Variants in SYT16 observed in about 807,000 individuals in gnomAD.
SYT16 encodes the protein synaptotagmin-16.
SYT16 carries 42 observed loss-of-function variants against 61.4 expected under a neutral mutation model. The ratio of observed to expected loss-of-function variants is 0.68; its 90% confidence interval spans 0.53 to 0.89. The LOEUF (loss-of-function observed/expected upper bound fraction) is 0.89, where lower values mean the gene tolerates loss of function less well. SYT16 is among the 40% of genes least tolerant of loss of function. The pLI is 0.00. For synonymous variants in SYT16, 314 were observed against 302.3 expected (o/e 1.04, Z -0.40); for missense variants, 804 against 807.3 (o/e 1.00, Z 0.05).
intron 3 of SYT16, among the ~76,000 whole-genome samples, chr14:62,055,706 A>T (rs1252900889): frequency 6.6e-6 from 1 of 152,228 alleles, no homozygotes; most frequent in African/African-American, 2.4e-5. Context: ...TGCAAGGACA[A>T]CTTGGGGCTG....
rs138146539 is a variant in SYT16 at position 61,865,888 on chromosome 14, T to G, written c.-325+53078T>G. On this transcript the variant is annotated intron_variant, in intron 1 of 7. Coordinates refer to ENST00000683842, the MANE Select transcript of SYT16 (RefSeq NM_001367656.1). ...TCAAAATGCTTTCTAAATCATTTTA[T>G]ATCTGGAATTAAGGTGCAGTAAACT... Among the ~76,000 whole-genome samples, 259 of 152,310 alleles carry G rather than the reference T, an allele frequency of 1.7e-3. 2 individuals carry two copies. Among genetic ancestry groups the G allele is most frequent in the African/African-American group, 5.9e-3 (246 of 41,576 alleles).
At chr14:61,984,950 G>T (rs1304720197) in intron 2 of SYT16, among the ~76,000 whole-genome samples, 1 of 152,052 alleles carries the variant, frequency 6.6e-6, no homozygotes, top group Non-Finnish European at 1.5e-5. Context: ...GGTCACTTTG[G>T]CTCGGTAGAC....
chr14:62,011,816 C>T (rs1206722806), intron 3 of SYT16, among the ~76,000 whole-genome samples: 2 of 149,686 alleles, frequency 1.3e-5, no homozygotes. Flanking sequence ...GGACCCCAAA[C>T]ACCTATTTCT....
rs1363099530 is a variant in SYT16, at chr14:62,101,045, C to G, written c.*338C>G. On this transcript the variant is annotated 3_prime_UTR_variant, in exon 8 of 8. Coordinates refer to ENST00000683842, the MANE Select transcript of SYT16 (RefSeq NM_001367656.1). ...TGTCTCTGTTTGCTTGAAGAGTAAC[C>G]TGAGATTGCAAGGGAGCTGTTAATT... The G allele has an allele frequency of 3.1e-5, 6 of 194,288 alleles. No homozygotes were observed. The East Asian group carries it at 5.2e-4, about 17-fold the overall frequency. 12.0% of individuals were successfully genotyped at this position (194,288 alleles called of 1,614,324 possible).
At chr14:61,847,392 T>C (rs77501238) in intron 1 of SYT16, among the ~76,000 whole-genome samples, 6,200 of 152,320 alleles carry the variant, frequency 0.041, 173 homozygotes, top group African/African-American at 0.071. Context: ...CTGACCTGTA[T>C]GGTTTTCACT....
At chr14:61,832,171 T>C (rs868245997) in intron 1 of SYT16, 11 of 679,430 alleles carry the variant, frequency 1.6e-5, no homozygotes, top group South Asian at 1.4e-4. Context: ...CAGGAGGCCT[T>C]CTCCTTCTTC....
chr14:61,916,285 A>G (rs78131963), intron 1 of SYT16, among the ~76,000 whole-genome samples: 2,476 of 152,246 alleles, frequency 0.016, 64 homozygotes, highest in African/African-American at 0.057. Flanking sequence ...TGAGTGAGAA[A>G]CATAACTTTT....
chr14:61,902,022 C>T (rs946663260), intron 1 of SYT16, among the ~76,000 whole-genome samples: 5 of 152,092 alleles, frequency 3.3e-5, no homozygotes, highest in Non-Finnish European at 5.9e-5. Flanking sequence ...CTTGGCCTCC[C>T]GAAGTGCTGA....
chr14:61,989,573 C>T (rs2052462257), intron 2 of SYT16, among the ~76,000 whole-genome samples: 1 of 152,086 alleles, frequency 6.6e-6, no homozygotes, highest in African/African-American at 2.4e-5. Flanking sequence ...AAAAACAAAA[C>T]AAAAACAACA....
intron 1 of SYT16, among the ~76,000 whole-genome samples, chr14:61,932,263 G>T (rs1381660686): frequency 6.6e-6 from 1 of 152,180 alleles, no homozygotes; most frequent in Non-Finnish European, 1.5e-5. Context: ...ACCAAGGGTG[G>T]ACCCATGGCC....
chr14:62,081,343 T>G, intron 6 of SYT16, 69 bp downstream of exon 6: 2 of 1,479,984 alleles, frequency 1.4e-6, no homozygotes, highest in African/African-American at 1.4e-5. Context: ...AGCCCTTGAT[T>G]TAGTACGTTC....
At chr14:61,922,345 C>G (rs777410933) in intron 1 of SYT16, among the ~76,000 whole-genome samples, 3 of 152,160 alleles carry the variant, frequency 2.0e-5, no homozygotes, top group African/African-American at 7.2e-5. Context: ...TGGAATACTA[C>G]GCAGCCATAA....
At chr14:62,042,556 C>G (rs769746229) in intron 3 of SYT16, among the ~76,000 whole-genome samples, 35 of 152,156 alleles carry the variant, frequency 2.3e-4, no homozygotes, top group Non-Finnish European at 5.0e-4. Context: ...GGTTTCCATT[C>G]TAGTTGGAAC....
rs116797215 is a variant in SYT16 at position 61,989,419 on chromosome 14, C to T, written c.-144-6457C>T. Among the ~76,000 whole-genome samples, 1,449 of 152,122 alleles carry T rather than the reference C, an allele frequency of 9.5e-3. 18 individuals carry two copies. Among genetic ancestry groups the T allele is most frequent in the African/African-American group, 0.034 (1,394 of 41,508 alleles). ...TTCTACTAAAAGTACAAAAATTAGC[C>T]AGGCCTGATGGCAGAAGCCTGTAAT... On this transcript the variant is annotated intron_variant, in intron 2 of 7. Coordinates refer to ENST00000683842, the MANE Select transcript of SYT16 (RefSeq NM_001367656.1).
intron 1 of SYT16, among the ~76,000 whole-genome samples, chr14:61,860,195 G>C (rs57833073): frequency 0.13 from 19,270 of 152,190 alleles, 1,324 homozygotes; most frequent in African/African-American, 0.18. Flanking sequence ...AAGCTACTTT[G>C]AAAGAACTGC....
At chr14:62,020,975 A>G (rs925907208) in intron 3 of SYT16, among the ~76,000 whole-genome samples, 7 of 152,194 alleles carry the variant, frequency 4.6e-5, no homozygotes, top group Middle Eastern at 3.4e-3. Context: ...ATTTTTAAAA[A>G]ACCTGTGTAC....
At chr14:62,044,509 C>G (rs10148213) in intron 3 of SYT16, among the ~76,000 whole-genome samples, 23 of 151,794 alleles carry the variant, frequency 1.5e-4, no homozygotes, top group Non-Finnish European at 3.2e-4. Flanking sequence ...TGTCCATGTG[C>G]TCTCATTGTT....
In SYT16 at chr14:62,005,968, T is replaced by C. The variant is rs1438442695; in HGVS notation, c.523+9426T>C. On this transcript the variant is annotated intron_variant, in intron 3 of 7. Coordinates refer to ENST00000683842, the MANE Select transcript of SYT16 (RefSeq NM_001367656.1). ...TCAGCCCAATTCACTCACAGCTTTA[T>C]AGATGGAGGAGGTTGCCTAAGTTGC... 2.6e-5 allele frequency among the ~76,000 whole-genome samples: 4 copies of C among 152,288 alleles called. No homozygotes were observed. The East Asian group carries it at 7.7e-4, about 29-fold the overall frequency.
intron 7 of SYT16, 27 bp downstream of exon 7, chr14:62,084,412 C>T: frequency 6.3e-7 from 1 of 1,592,968 alleles, no homozygotes; most frequent in Admixed American, 1.8e-5. Flanking sequence ...TCTCCCAGCT[C>T]TGGTTCTTCC....
Sources: allele counts gnomAD v4.1 joint callset (sites outside exome capture counted in the v4.1 genomes callset), GRCh38; gene constraint gnomAD v4.1.1; transcripts MANE v1.5; gene names NCBI Gene and HGNC (gene_info 2026-07-23, HGNC 2026-07-21).